Variants in SMARCAL1 observed in about 807,000 individuals in gnomAD.
The protein encoded by SMARCAL1 is ATP-driven annealing helicase.
A neutral mutation model predicts 94.5 loss-of-function variants in SMARCAL1; 58 were observed. That is an observed-to-expected ratio of 0.61 (90% CI 0.50 to 0.76). The LOEUF is 0.76. SMARCAL1 is among the 30% of genes least tolerant of loss of function. The pLI is 0.00. For synonymous variants in SMARCAL1, 422 were observed against 455.1 expected, an observed-to-expected ratio of 0.93 and a Z score of 0.93; for missense variants, 1,051 against 1,177.9, an observed-to-expected ratio of 0.89 and a Z score of 1.58.
In SMARCAL1 at chr2:216,455,227, C is replaced by T. The variant is rs1022872908; in HGVS notation, c.2070+4163C>T. On this transcript the variant is annotated intron_variant, in intron 12 of 17. Coordinates refer to ENST00000357276, the MANE Select transcript of SMARCAL1 (RefSeq NM_014140.4). ...GAAGCTCGAACTGGGTGGAGCCCAC[C>T]GCAGCTCAAGGAGGCCTGCCTGCCT... 6.6e-5 allele frequency among the ~76,000 whole-genome samples: 10 copies of T among 152,074 alleles called. No homozygotes were observed. The East Asian group carries it at 9.7e-4, about 15-fold the overall frequency.
intron 17 of SMARCAL1, among the ~76,000 whole-genome samples, chr2:216,481,262 G>A (rs1212138012): frequency 1.3e-5 from 2 of 151,948 alleles, no homozygotes; most frequent in South Asian, 2.1e-4. Flanking sequence ...GCACTATGCT[G>A]GCTCACTGCA....
chr2:216,427,512 A>C (rs1693861546), intron 6 of SMARCAL1: 2 of 152,260 alleles, frequency 1.3e-5, no homozygotes, highest in Admixed American at 1.3e-4. Flanking sequence ...AGGAGTGCTC[A>C]GCCTCCTGAA....
intron 8 of SMARCAL1, among the ~76,000 whole-genome samples, chr2:216,434,670 T>C (rs1227830294): frequency 1.5e-5 from 2 of 136,070 alleles, no homozygotes; most frequent in Non-Finnish European, 3.1e-5. Context: ...ACCCATCTCT[T>C]TGAAAAAAAA....
chr2:216,422,326 G>A (rs1350266971), intron 5 of SMARCAL1, among the ~76,000 whole-genome samples: 1 of 152,144 alleles, frequency 6.6e-6, no homozygotes, highest in African/African-American at 2.4e-5. Context: ...GTTGCAGTGA[G>A]CCTAGATCGC....
chr2:216,476,229 A>G lies in SMARCAL1; in HGVS notation c.2427+778A>G, dbSNP rs184835827. ...AATAATATTGTGGTTTTTATTGGCT[A>G]CACATAAGAGACTACATTAATAATG... On this transcript the variant is annotated intron_variant, in intron 15 of 17. Coordinates refer to ENST00000357276, the MANE Select transcript of SMARCAL1 (RefSeq NM_014140.4). 5.0e-3 allele frequency among the ~76,000 whole-genome samples: 762 copies of G among 152,206 alleles called. 6 individuals are homozygous for G. Among genetic ancestry groups the G allele is most frequent in the Admixed American group, 7.8e-3 (119 of 15,284 alleles).
intron 12 of SMARCAL1, among the ~76,000 whole-genome samples, chr2:216,456,483 T>G (rs1694571427): frequency 6.6e-6 from 1 of 152,200 alleles, no homozygotes; most frequent in South Asian, 2.1e-4. Flanking sequence ...CCCATCAGAC[T>G]AACAGTTGAT....
chr2:216,481,995 A>G (rs1695212415), intron 17 of SMARCAL1, among the ~76,000 whole-genome samples: 2 of 152,222 alleles, frequency 1.3e-5, no homozygotes, highest in African/African-American at 4.8e-5. Flanking sequence ...ACACTACACC[A>G]TTGTCATCAA....
rs867971224 is a variant in SMARCAL1 at position 216,478,309 on chromosome 2, G to C, written c.2625+10G>C. On this transcript the variant is annotated intron_variant, in intron 17 of 17. Transcript: ENST00000357276. ...TGATTACCTCTACAAGGTAATGCCA[G>C]CACATGGCTCTTCACCCCTGGAGCA... is the stretch of plus-strand genomic sequence containing the variant. The C allele has an allele frequency of 6.3e-7, 1 of 1,597,764 alleles. No homozygotes were observed. The highest frequency in any genetic ancestry group is 1.7e-4 in the Middle Eastern group (1 of 6,038).
intron 11 of SMARCAL1, among the ~76,000 whole-genome samples, chr2:216,448,737 C>T (rs879820190): frequency 5.9e-5 from 9 of 151,972 alleles, no homozygotes; most frequent in South Asian, 2.1e-4. Flanking sequence ...CAGGCTGAGG[C>T]ACGAGAATCG....
chr2:216,431,890 C>G (rs926110364), intron 7 of SMARCAL1, among the ~76,000 whole-genome samples: 3 of 152,202 alleles, frequency 2.0e-5, no homozygotes, highest in African/African-American at 7.2e-5. Context: ...ATCCTTTTCT[C>G]GCCTCTGTCC....
At chr2:216,432,517 TTC>T (rs749148726) in intron 7 of SMARCAL1, among the ~76,000 whole-genome samples, 199 bp from the exon 8 acceptor site, 9 of 151,134 alleles carry the variant, frequency 6.0e-5, no homozygotes, top group South Asian at 4.2e-4. Flanking sequence ...TTTTTGGGCT[TTC>T]TCTCTCTCTC....
At chr2:216,449,908 G>T (rs983503682) in intron 11 of SMARCAL1, among the ~76,000 whole-genome samples, 18 of 151,930 alleles carry the variant, frequency 1.2e-4, no homozygotes, top group Admixed American at 2.6e-4. Flanking sequence ...CACCATCTCG[G>T]CTCACTGCAA....
intron 12 of SMARCAL1, among the ~76,000 whole-genome samples, chr2:216,455,937 A>T (rs1256894311): frequency 6.6e-6 from 1 of 152,230 alleles, no homozygotes; most frequent in Non-Finnish European, 1.5e-5. Flanking sequence ...ATCGCAAAGA[A>T]GTTAAAAACC....
In SMARCAL1 at chr2:216,415,870, TA is replaced by T. The variant is rs370440104; in HGVS notation, c.811+357del. 3.2e-4 allele frequency: 122 copies of T among 380,548 alleles called. 1 individual carries two copies. Among genetic ancestry groups the T allele is most frequent in the East Asian group, 2.8e-3 (48 of 17,320 alleles). 23.6% of individuals were successfully genotyped at this position (380,548 alleles called of 1,614,324 possible). On this transcript the variant is annotated intron_variant, in intron 3 of 17. Coordinates refer to ENST00000357276, the MANE Select transcript of SMARCAL1 (RefSeq NM_014140.4). ...GGTGATGGAACTGGCCCAGCAAGAT[TA>T]AGTGACAGGCCCAGTTTCATTGGTC...
Position 216,413,100 on chromosome 2 carries a change from A to G in SMARCAL1, c.-96+452A>G, listed in dbSNP as rs1017011220. On this transcript the variant is annotated intron_variant, in intron 1 of 17. Transcript: ENST00000357276. ...ACCTCTTCACCCCTTCCTAACTGCT[A>G]ATGGTTGGAGAAGGTGGAAGTTCTC... Among the ~76,000 whole-genome samples the G allele has an allele frequency of 3.1e-5, 4 of 130,814 alleles. No individual in the cohort carries two copies. The Admixed American group carries it at 3.4e-4, about 11-fold the overall frequency. 85.8% of individuals were successfully genotyped at this position (130,814 alleles called of 152,430 possible). A position where few individuals can be genotyped will look rare whatever the true frequency, so the allele number is the denominator to read the frequency against.
rs1200152249 is a variant in SMARCAL1 at position 216,460,566 on chromosome 2, C to G, written c.2071-4031C>G. ...ATGGATGAAGCTGGAAACCACCATT[C>G]TCAGCAAACTATCGCAAGGACAAAA... On this transcript the variant is annotated intron_variant, in intron 12 of 17. Transcript: ENST00000357276. 4.7e-5 allele frequency among the ~76,000 whole-genome samples: 7 copies of G among 150,476 alleles called. No individual in the cohort carries two copies. In the East Asian group the frequency reaches 1.4e-3, roughly 30 times the overall value.
At position 216,475,011 on chromosome 2, in the gene SMARCAL1, A is replaced by G. The variant is rs1695040060; in HGVS notation, c.2245-258A>G. ...AAGTCAGCATCCTGGCTGTGGTATT[A>G]TACTATAGTTTTTATAGAATGTTAC... is the stretch of plus-strand genomic sequence containing the variant. On this transcript the variant is annotated intron_variant, in intron 14 of 17. Transcript: ENST00000357276. This position sits in a 1 kb window ranked among gnomAD's most constrained non-coding sequence, Gnocchi z 4.4. Among the ~76,000 whole-genome samples the G allele has an allele frequency of 6.6e-6, 1 of 152,240 alleles. No homozygotes were observed. The highest frequency in any genetic ancestry group is 1.5e-5 in the Non-Finnish European group (1 of 68,032).
chr2:216,418,446 G>A (rs1693651122), intron 4 of SMARCAL1, among the ~76,000 whole-genome samples: 2 of 152,082 alleles, frequency 1.3e-5, no homozygotes, highest in South Asian at 4.1e-4. Context: ...CCATAATTAT[G>A]GATTTGTGAA....
chr2:216,437,510 A>G (rs2738277), intron 9 of SMARCAL1, among the ~76,000 whole-genome samples: 37,279 of 152,144 alleles, frequency 0.25, 5,640 homozygotes, highest in Non-Finnish European at 0.32. Context: ...ACTGAGTAAC[A>G]GGGCTGTGCT....
Sources: gnomAD v4.1 joint callset for allele counts (sites outside exome capture counted in the v4.1 genomes callset) on GRCh38, gnomAD v4.1.1 for gene constraint, Gnocchi (gnomAD v3.1) non-coding constraint, MANE v1.5 for transcripts, NCBI Gene and HGNC (gene_info 2026-07-23, HGNC 2026-07-21) for gene names.